GRM7: variants seen among roughly 807,000 people sequenced by gnomAD.
GRM7 encodes metabotropic glutamate receptor 7.
In GRM7, 35 loss-of-function variants were observed where a neutral mutation model predicts 84.5. The observed-to-expected ratio is 0.41, with a 90% CI of 0.32 to 0.55. GRM7 has a LOEUF of 0.55. Ranked by LOEUF, GRM7 falls within the 20% of genes least tolerant of loss-of-function variation. The pLI is 0.19. For synonymous variants in GRM7, 487 were observed against 455.1 expected (o/e 1.07, Z -0.89); for missense variants, 1,003 against 1,194.6 (o/e 0.84, Z 2.36).
intron 5 of GRM7, among the ~76,000 whole-genome samples, chr3:7,443,963 G>T (rs979515235): frequency 2.0e-5 from 3 of 152,070 alleles, no homozygotes; most frequent in African/African-American, 7.2e-5. Flanking sequence ...CAAAAAACTT[G>T]CTAATGTCAA....
At chr3:7,385,132 A>G (rs1425643894) in intron 4 of GRM7, among the ~76,000 whole-genome samples, 1 of 152,030 alleles carries the variant, frequency 6.6e-6, no homozygotes, top group Non-Finnish European at 1.5e-5. Context: ...CTTTCTCATC[A>G]AAATAAGGGA....
intron 8 of GRM7, among the ~76,000 whole-genome samples, chr3:7,645,315 A>G (rs148335948): frequency 0.027 from 4,165 of 152,044 alleles, 174 homozygotes; most frequent in African/African-American, 0.088. Flanking sequence ...TTGGGAGGCC[A>G]AGGCGGGCAG....
intron 1 of GRM7, among the ~76,000 whole-genome samples, chr3:6,869,118 G>A (rs1298804396): frequency 1.3e-5 from 2 of 152,056 alleles, no homozygotes; most frequent in Non-Finnish European, 2.9e-5. Flanking sequence ...TCAGGGGGAA[G>A]GTTTCCCAGG....
chr3:7,650,878 C>T (rs555161484), intron 8 of GRM7, among the ~76,000 whole-genome samples: 8 of 152,184 alleles, frequency 5.3e-5, no homozygotes, highest in South Asian at 2.1e-4. Context: ...CCACTGCATC[C>T]GGCTTGCCTC....
At position 7,360,137 on chromosome 3, in the gene GRM7, C is replaced by T. The variant is rs569744410; in HGVS notation, c.1033+53485C>T. Among the ~76,000 whole-genome samples the T allele has an allele frequency of 2.2e-5, 3 of 136,036 alleles. 1 individual carries two copies. The highest frequency in any genetic ancestry group is 7.3e-3 in the Middle Eastern group (2 of 274). The allele number at this position is 136,036 out of a possible 152,430, so 89.2% of individuals were successfully genotyped here. Reference sequence around the variant, plus strand: ...CTTTCTCCCCCCCTTTTTTTTCCCTCTGTGTGTGTGTGTGTGTGTGTGTGT... The same window carrying T: ...CTTTCTCCCCCCCTTTTTTTTCCCTTTGTGTGTGTGTGTGTGTGTGTGTGT... On this transcript the variant is annotated intron_variant, in intron 4 of 9. Transcript: ENST00000357716.
chr3:7,245,049 T>C (rs1293854129), intron 2 of GRM7, among the ~76,000 whole-genome samples: 1 of 152,028 alleles, frequency 6.6e-6, no homozygotes, highest in Non-Finnish European at 1.5e-5. Context: ...ATTTATTAGA[T>C]GGGATTAATG....
intron 7 of GRM7, among the ~76,000 whole-genome samples, chr3:7,499,496 A>G (rs1022149133): frequency 6.6e-6 from 1 of 152,202 alleles, no homozygotes; most frequent in Admixed American, 6.5e-5. Context: ...GCTGACATCA[A>G]TAAAAGCTAA....
chr3:6,939,662 C>T lies in GRM7; in HGVS notation c.519+77755C>T, dbSNP rs562398532. Among the ~76,000 whole-genome samples, 9 of 152,214 alleles carry T rather than the reference C, an allele frequency of 5.9e-5. No individual in the cohort carries two copies. In the South Asian group the frequency reaches 1.9e-3, roughly 32 times the overall value. On this transcript the variant is annotated intron_variant, in intron 1 of 9. Coordinates refer to ENST00000357716, the MANE Select transcript of GRM7 (RefSeq NM_000844.4). ...TGCATAAAACACCAGGGATTGCTGCCCTAAAGCCTCCATTGCCAGATGAAA... is the reference window on the plus strand; with the variant it reads ...TGCATAAAACACCAGGGATTGCTGCTCTAAAGCCTCCATTGCCAGATGAAA...
At chr3:7,037,249 T>C (rs532194649) in intron 1 of GRM7, among the ~76,000 whole-genome samples, 259 of 152,318 alleles carry the variant, frequency 1.7e-3, no homozygotes, top group African/African-American at 5.7e-3. Context: ...TTGAAAGAAA[T>C]ACACATTATA....
At chr3:7,099,321 A>ATATGTACACATGTATTATACATGTC (rs1559438923) in intron 1 of GRM7, among the ~76,000 whole-genome samples, 5 of 146,496 alleles carry the variant, frequency 3.4e-5, no homozygotes, top group African/African-American at 1.3e-4. Flanking sequence ...TTATACATGT[A>ATATGTACACATGTATTATACATGTC]TATATGTACA....
intron 7 of GRM7, among the ~76,000 whole-genome samples, chr3:7,487,584 G>A (rs1699367794): frequency 6.6e-6 from 1 of 152,204 alleles, no homozygotes; most frequent in African/African-American, 2.4e-5. Flanking sequence ...GGTCCCAGGT[G>A]TGACTCAGGC....
chr3:7,286,112 A>G (rs912340909), intron 2 of GRM7, among the ~76,000 whole-genome samples: 1 of 152,224 alleles, frequency 6.6e-6, no homozygotes, highest in Non-Finnish European at 1.5e-5. Flanking sequence ...CTTTCCCCTC[A>G]TGGGAAGGAA....
intron 1 of GRM7, among the ~76,000 whole-genome samples, chr3:7,027,640 CA>C (rs1237427643): frequency 6.6e-6 from 1 of 152,044 alleles, no homozygotes; most frequent in African/African-American, 2.4e-5. Context: ...ACAAGAAAGG[CA>C]AAAAACCTTG....
intron 4 of GRM7, among the ~76,000 whole-genome samples, chr3:7,357,288 G>T (rs1693451647): frequency 6.6e-6 from 1 of 151,812 alleles, no homozygotes; most frequent in Admixed American, 6.6e-5. Flanking sequence ...ACAAGGAAAA[G>T]CAGCTTGTAA....
At chr3:7,348,183 A>G (rs1184113318) in intron 4 of GRM7, among the ~76,000 whole-genome samples, 1 of 151,936 alleles carries the variant, frequency 6.6e-6, no homozygotes, top group Non-Finnish European at 1.5e-5. Flanking sequence ...TTTTGGTTAA[A>G]TTTTCTACTC....
intron 8 of GRM7, among the ~76,000 whole-genome samples, chr3:7,579,731 T>C (rs901397002): frequency 6.6e-6 from 1 of 152,168 alleles, no homozygotes; most frequent in African/African-American, 2.4e-5. Context: ...TAGTACCTTC[T>C]CCAGGTGGGA....
chr3:7,572,826 ATATATATATATATATATAT>A (rs1694748684), intron 7 of GRM7, among the ~76,000 whole-genome samples: 672 of 62,520 alleles, frequency 0.011, 76 homozygotes, highest in Admixed American at 0.03. Flanking sequence ...TATCTCAAAT[ATATATATATATATATATAT>A]ATATATATAT....
chr3:6,876,670 C>T (rs965530947), intron 1 of GRM7, among the ~76,000 whole-genome samples: 12 of 145,312 alleles, frequency 8.3e-5, no homozygotes, highest in African/African-American at 2.3e-4. Flanking sequence ...GGCACCATCT[C>T]GGCTCACTGC....
intron 4 of GRM7, among the ~76,000 whole-genome samples, chr3:7,351,351 A>C (rs556809127): frequency 6.6e-6 from 1 of 150,528 alleles, no homozygotes; most frequent in East Asian, 2.0e-4. Context: ...AAAAAAAAAA[A>C]AAAAAAAAAA....
Sources: allele counts gnomAD v4.1 joint callset (sites outside exome capture counted in the v4.1 genomes callset), GRCh38; gene constraint gnomAD v4.1.1; transcripts MANE v1.5; gene names NCBI Gene and HGNC (gene_info 2026-07-23, HGNC 2026-07-21).